Variants in RUSC2 observed in about 807,000 individuals in gnomAD.
The protein encoded by RUSC2 is RUN and SH3 domain containing 2, also known as AP-4 complex accessory subunit RUSC2.
RUSC2 carries 34 observed loss-of-function variants against 122.2 expected under a neutral mutation model. That is an observed-to-expected ratio of 0.28 (90% CI 0.21 to 0.37). The LOEUF is 0.37. RUSC2 is among the 10% of genes least tolerant of loss of function. RUSC2 has a pLI of 1.00. For missense variants in RUSC2, 1,747 were observed against 1,952.4 expected, an observed-to-expected ratio of 0.89 and a Z score of 1.98; for synonymous variants, 784 against 790.0, an observed-to-expected ratio of 0.99 and a Z score of 0.13.
intron 1 of RUSC2, among the ~76,000 whole-genome samples, chr9:35,528,951 AG>A (rs1160332700): frequency 6.6e-6 from 1 of 152,214 alleles, no homozygotes; most frequent in Non-Finnish European, 1.5e-5. Context: ...AATTGTAAAA[AG>A]TTTAAAAAAG....
chr9:35,524,001 C>T (rs1395279132), intron 1 of RUSC2, among the ~76,000 whole-genome samples: 1 of 151,970 alleles, frequency 6.6e-6, no homozygotes, highest in Admixed American at 6.6e-5. Flanking sequence ...AGAATGCCAA[C>T]TAATCAATGT....
At chr9:35,545,826 C>G (rs1821732363) in intron 1 of RUSC2, among the ~76,000 whole-genome samples, 1 of 152,144 alleles carries the variant, frequency 6.6e-6, no homozygotes, top group Non-Finnish European at 1.5e-5. Context: ...AGTAAGGATA[C>G]TTAGCCCACG....
intron 1 of RUSC2, among the ~76,000 whole-genome samples, chr9:35,532,924 G>T (rs920793521): frequency 6.6e-6 from 1 of 151,882 alleles, no homozygotes; most frequent in Non-Finnish European, 1.5e-5. Context: ...AGTGGAGAGA[G>T]AATTTTAAGA....
In RUSC2 at chr9:35,556,460, C is replaced by G. The variant is rs772281220; in HGVS notation, c.2983+12C>G. On this transcript the variant is annotated intron_variant, in intron 5 of 11. Coordinates refer to ENST00000361226, the MANE Select transcript of RUSC2 (RefSeq NM_014806.5). ...GCTTCAGAAAAAAGGTGCATACAAC[C>G]CCCAGCTCAGGCCAGGGACTCTGCT... The G allele has an allele frequency of 2.5e-6, 4 of 1,612,640 alleles. No individual in the cohort carries two copies. In the East Asian group the frequency reaches 8.9e-5, roughly 36 times the overall value.
chr9:35,558,223 C>T lies in RUSC2; in HGVS notation c.3087C>T (p.Ser1029=), dbSNP rs1822063293. The T allele has an allele frequency of 2.5e-6, 4 of 1,613,786 alleles. No individual in the cohort carries two copies. Among genetic ancestry groups the T allele is most frequent in the Non-Finnish European group, 3.4e-6 (4 of 1,180,002 alleles). ...VKAKLGNSSV[S]PNVGHLVLKY... The stretch of plus-strand genomic sequence containing the variant: ...CAAAGCTGGGAAACAGTTCTGTGAG[C>T]CCCAATGTGGGCCACCTGGTTCTGA... Residue 1029 remains serine (S), a synonymous_variant, in exon 7 of 12, where the codon AGC becomes AGT. Transcript: ENST00000361226. This position sits in a 1 kb window ranked among gnomAD's most constrained non-coding sequence, Gnocchi z 4.3.
chr9:35,556,929 A>G (rs1295661075), intron 5 of RUSC2, among the ~76,000 whole-genome samples: 2 of 152,190 alleles, frequency 1.3e-5, no homozygotes, highest in Non-Finnish European at 1.5e-5. Flanking sequence ...TCATGAGTGC[A>G]TGTGAGTGAG....
At chr9:35,504,622 C>T (rs965250054) in intron 1 of RUSC2, among the ~76,000 whole-genome samples, 22 of 151,990 alleles carry the variant, frequency 1.4e-4, no homozygotes, top group African/African-American at 9.7e-5. Context: ...TGCGCCACCA[C>T]GCCCAGCTAA....
At chr9:35,511,887 T>C (rs569725690) in intron 1 of RUSC2, among the ~76,000 whole-genome samples, 2 of 152,248 alleles carry the variant, frequency 1.3e-5, no homozygotes, top group African/African-American at 2.4e-5. Context: ...GATAAAAATA[T>C]AGGAAAATCT....
chr9:35,538,442 C>A (rs1227197944), intron 1 of RUSC2, among the ~76,000 whole-genome samples: 2 of 152,146 alleles, frequency 1.3e-5, no homozygotes, highest in Non-Finnish European at 2.9e-5. Context: ...CCCTTCTGGG[C>A]TTCAGGAATC....
chr9:35,546,073 T>C lies in RUSC2; in HGVS notation c.-92-357T>C, dbSNP rs921930315. Among the ~76,000 whole-genome samples the C allele has an allele frequency of 6.6e-6, 1 of 152,226 alleles. No individual in the cohort carries two copies. The highest frequency in any genetic ancestry group is 1.5e-5 in the Non-Finnish European group (1 of 68,034). On this transcript the variant is annotated intron_variant, in intron 1 of 11. Coordinates refer to ENST00000361226, the MANE Select transcript of RUSC2 (RefSeq NM_014806.5). This position sits in a 1 kb window ranked among gnomAD's most constrained non-coding sequence, Gnocchi z 4.3. ...TTTTTCTTAATTGTGTCATTATTCA[T>C]AGTTTTTTTGTGCTAAGGACTGGTC...
At chr9:35,505,073 T>A (rs1463685031) in intron 1 of RUSC2, among the ~76,000 whole-genome samples, 1 of 142,448 alleles carries the variant, frequency 7.0e-6, no homozygotes, top group East Asian at 1.9e-4. Context: ...TCACCACAAT[T>A]TTTTTTAAAT....
chr9:35,552,269 A>G (rs1821915459), intron 2 of RUSC2, among the ~76,000 whole-genome samples: 1 of 152,204 alleles, frequency 6.6e-6, no homozygotes, highest in Non-Finnish European at 1.5e-5. Flanking sequence ...GCTGAGGCAC[A>G]ATAATCGCTT....
intron 1 of RUSC2, among the ~76,000 whole-genome samples, chr9:35,493,858 TTC>T (rs1820618551): frequency 6.6e-6 from 1 of 152,310 alleles, no homozygotes; most frequent in South Asian, 2.1e-4. Context: ...ATACACTATA[TTC>T]TGTTTATTCA....
At chr9:35,559,178 T>G in intron 8 of RUSC2, 48 bp from the exon 9 acceptor site, 1 of 1,483,618 alleles carries the variant, frequency 6.7e-7, no homozygotes, top group Non-Finnish European at 9.4e-7. Flanking sequence ...TCTCCTTATC[T>G]GGCTGTATTC....
At chr9:35,536,622 G>A (rs569376860) in intron 1 of RUSC2, among the ~76,000 whole-genome samples, 1 of 152,102 alleles carries the variant, frequency 6.6e-6, no homozygotes, top group African/African-American at 2.4e-5. Flanking sequence ...AAACAAGCCT[G>A]GCCAACATGG....
intron 2 of RUSC2, among the ~76,000 whole-genome samples, chr9:35,550,256 G>C (rs1401494423): frequency 6.6e-6 from 1 of 151,752 alleles, no homozygotes; most frequent in Non-Finnish European, 1.5e-5. Flanking sequence ...TTGGGTAGAA[G>C]ATGGACTGGA....
chr9:35,496,453 G>A (rs1421397792), intron 1 of RUSC2, among the ~76,000 whole-genome samples: 2 of 152,172 alleles, frequency 1.3e-5, no homozygotes, highest in East Asian at 3.8e-4. Context: ...TGCACCTGCA[G>A]TCACTTATCC....
intron 1 of RUSC2, among the ~76,000 whole-genome samples, chr9:35,530,931 G>A (rs962631087): frequency 3.3e-5 from 5 of 152,020 alleles, no homozygotes; most frequent in Admixed American, 3.3e-4. Flanking sequence ...GAGCCACTGC[G>A]CCTGGCTGGT....
At position 35,561,266 on chromosome 9, in the gene RUSC2, C is replaced by T; in HGVS notation, c.4435C>T (p.Arg1479Ter). 2 of 1,614,170 alleles carry T rather than the reference C, an allele frequency of 1.2e-6. No homozygotes were observed. Among genetic ancestry groups the T allele is most frequent in the Non-Finnish European group, 8.5e-7 (1 of 1,180,016 alleles). ...AGGAGACATCCTACGAGTGCTGGGG[C>T]GAGCTGGAGGAGACTGGCTGCGCTG... ...HKGDILRVLG[R>*]AGGDWLRCSR... Residue 1479 changes from arginine (R) to a stop codon, truncating the protein, a stop_gained, in exon 12 of 12, where the codon CGA becomes TGA. Transcript: ENST00000361226. LOFTEE classifies it high-confidence loss of function.
Sources: gnomAD v4.1 joint callset for allele counts (sites outside exome capture counted in the v4.1 genomes callset) on GRCh38, gnomAD v4.1.1 for gene constraint, Gnocchi (gnomAD v3.1) non-coding constraint, MANE v1.5 for transcripts, NCBI Gene and HGNC (gene_info 2026-07-23, HGNC 2026-07-21) for gene names.